Variants in CLINT1 observed in about 807,000 individuals in gnomAD.
CLINT1 encodes the protein clathrin interactor 1.
In CLINT1, 15 loss-of-function variants were observed where a neutral mutation model predicts 70.4. The ratio of observed to expected loss-of-function variants is 0.21; its 90% confidence interval spans 0.14 to 0.33. The LOEUF (loss-of-function observed/expected upper bound fraction) is 0.33, where lower values mean the gene tolerates loss of function less well. CLINT1 is among the 10% of genes least tolerant of loss of function. The probability of loss-of-function intolerance (pLI) is 1.00; values close to 1 mark genes in which losing one functional copy is unlikely to be tolerated. For synonymous variants in CLINT1, 227 were observed against 254.7 expected (o/e 0.89, Z 1.04); for missense variants, 615 against 778.1 (o/e 0.79, Z 2.49).
chr5:157,805,456 T>C (rs1442098665), intron 7 of CLINT1, among the ~76,000 whole-genome samples: 2 of 152,220 alleles, frequency 1.3e-5, no homozygotes, highest in African/African-American at 4.8e-5. Context: ...AGGCAACGTT[T>C]CTACATTACA....
intron 9 of CLINT1, among the ~76,000 whole-genome samples, chr5:157,793,713 A>T (rs1461080105): frequency 6.6e-6 from 1 of 152,190 alleles, no homozygotes; most frequent in Non-Finnish European, 1.5e-5. Context: ...TCTTACTTTC[A>T]AAATGAAGCA....
intron 1 of CLINT1, among the ~76,000 whole-genome samples, chr5:157,851,467 T>C (rs562144282): frequency 4.6e-5 from 7 of 152,214 alleles, no homozygotes; most frequent in Non-Finnish European, 7.4e-5. Context: ...GGTGGGTAGA[T>C]TGCTTGAGCT....
chr5:157,787,879 T>A lies in CLINT1; in HGVS notation c.1645A>T (p.Met549Leu), dbSNP rs766645747. The change falls in exon 12 of 12, where the codon ATG becomes TTG. Residue 549 changes from methionine (M) to leucine (L), a missense_variant. By Grantham distance (15) the Met-to-Leu change is conservative. Around this residue, in one of 2 missense-constraint regions of CLINT1, gnomAD observed 374 missense variants for 409.6 expected, o/e 0.91. Coordinates refer to ENST00000411809, the MANE Select transcript of CLINT1 (RefSeq NM_014666.4). ...PQTNALIGGP[M>L]PMSMPNVMTG... ...ATCACATTGGGCATGCTCATAGGCA[T>A]GGGTCCCCCTATCAAAGCATTAGTT... 1.9e-6 allele frequency: 3 copies of A among 1,613,916 alleles called. No homozygotes were observed. The highest frequency in any genetic ancestry group is 2.2e-5 in the South Asian group (2 of 91,072).
At chr5:157,834,590 A>G (rs566312410) in intron 1 of CLINT1, among the ~76,000 whole-genome samples, 1 of 152,268 alleles carries the variant, frequency 6.6e-6, no homozygotes, top group Non-Finnish European at 1.5e-5. Context: ...TTATGGGATG[A>G]TTACACTGCT....
At chr5:157,804,691 G>A (rs1485596871) in intron 7 of CLINT1, among the ~76,000 whole-genome samples, 5 of 152,118 alleles carry the variant, frequency 3.3e-5, no homozygotes, top group African/African-American at 9.7e-5. Flanking sequence ...TTGGGAGGCC[G>A]AAGCAGGTGG....
At chr5:157,849,362 G>A (rs1187000) in intron 1 of CLINT1, among the ~76,000 whole-genome samples, 22,979 of 152,088 alleles carry the variant, frequency 0.15, 2,488 homozygotes, top group African/African-American at 0.31. Context: ...TTAGCAATAA[G>A]ATATTTTTAA....
intron 1 of CLINT1, among the ~76,000 whole-genome samples, chr5:157,821,802 T>C (rs1254966174): frequency 1.3e-5 from 2 of 152,078 alleles, no homozygotes; most frequent in Non-Finnish European, 2.9e-5. Context: ...AAAAAGAAAG[T>C]TAAGAGAGGG....
chr5:157,808,238 T>C (rs1265753456), intron 6 of CLINT1, among the ~76,000 whole-genome samples: 1 of 152,086 alleles, frequency 6.6e-6, no homozygotes, highest in Non-Finnish European at 1.5e-5. Flanking sequence ...TCTGTTGGTA[T>C]TTCCTGAACA....
chr5:157,835,547 T>C (rs1183964725), intron 1 of CLINT1, among the ~76,000 whole-genome samples: 1 of 151,802 alleles, frequency 6.6e-6, no homozygotes, highest in African/African-American at 2.4e-5. Flanking sequence ...TTTCTTTCCC[T>C]CTCGGTGCCT....
chr5:157,811,868 A>C (rs1354076452), intron 5 of CLINT1, among the ~76,000 whole-genome samples: 2 of 152,188 alleles, frequency 1.3e-5, no homozygotes, highest in East Asian at 3.8e-4. Flanking sequence ...CTGAAGAATA[A>C]AGTTACTACT....
intron 1 of CLINT1, among the ~76,000 whole-genome samples, chr5:157,820,842 G>A (rs1762861238): frequency 6.6e-6 from 1 of 152,116 alleles, no homozygotes; most frequent in Non-Finnish European, 1.5e-5. Flanking sequence ...AGACGCTAGA[G>A]GGGGCACTCT....
chr5:157,803,659 G>C lies in CLINT1; in HGVS notation c.1003C>G (p.Gln335Glu). Residue 335 changes from glutamine (Q) to glutamate (E), a missense_variant, in exon 8 of 12, where the codon CAG becomes GAG. This residue lies in a region of CLINT1 where 374 missense variants were observed against 409.6 expected (regional missense o/e 0.91). Transcript: ENST00000411809. ...DLVDLFDGTS[Q>E]STGGSADLFG... is the part of the protein sequence containing the mutation. Reference sequence around the variant, plus strand: ...CAATGTAGAAGCTTACCTGTTGACTGGCTGGTGCCATCAAACAGATCAACA... The same window carrying C: ...CAATGTAGAAGCTTACCTGTTGACTCGCTGGTGCCATCAAACAGATCAACA... 6.6e-7 allele frequency: 1 copy of C among 1,521,504 alleles called. No homozygotes were observed. The highest frequency in any genetic ancestry group is 1.4e-5 in the South Asian group (1 of 74,032). The allele number at this position is 1,521,504 out of a possible 1,614,324, so 94.3% of individuals were successfully genotyped here. A position where few individuals can be genotyped will look rare whatever the true frequency, so the allele number is the denominator to read the frequency against.
At chr5:157,828,518 G>A (rs867620687) in intron 1 of CLINT1, among the ~76,000 whole-genome samples, 6 of 152,150 alleles carry the variant, frequency 3.9e-5, no homozygotes, top group African/African-American at 7.2e-5. Flanking sequence ...AGCAAAGCCC[G>A]GAAGAACCAA....
At chr5:157,802,813 T>A (rs1228673595) in intron 8 of CLINT1, among the ~76,000 whole-genome samples, 2 of 152,198 alleles carry the variant, frequency 1.3e-5, no homozygotes, top group Non-Finnish European at 2.9e-5. Flanking sequence ...CCCAAAGTGC[T>A]GGGATTACAG....
At chr5:157,848,005 C>T (rs889559121) in intron 1 of CLINT1, among the ~76,000 whole-genome samples, 2 of 152,144 alleles carry the variant, frequency 1.3e-5, no homozygotes, top group African/African-American at 2.4e-5. Flanking sequence ...TGAGGTTTCA[C>T]CATATTGCTC....
At chr5:157,808,661 G>A (rs1019023322) in intron 6 of CLINT1, among the ~76,000 whole-genome samples, 1 of 152,098 alleles carries the variant, frequency 6.6e-6, no homozygotes, top group Non-Finnish European at 1.5e-5. Flanking sequence ...GAACAAAAGT[G>A]ACTGCTGCAA....
At chr5:157,789,609 T>C (rs1312739362) in intron 10 of CLINT1, 96 bp from the exon 11 acceptor site, 3 of 1,517,624 alleles carry the variant, frequency 2.0e-6, no homozygotes, top group Non-Finnish European at 1.8e-6. Flanking sequence ...GCATCTGTTC[T>C]ATAAAAATTA....
intron 4 of CLINT1, 139 bp from the exon 5 acceptor site, chr5:157,813,366 T>G: frequency 1.2e-6 from 1 of 815,920 alleles, no homozygotes; most frequent in Non-Finnish European, 1.8e-6. Context: ...GGGCAAGTTG[T>G]GCTATTTAAC....
In CLINT1 at chr5:157,803,685, A is replaced by G. The variant is rs552907130; in HGVS notation, c.977T>C (p.Leu326Pro). ...GCTGGTGCCATCAAACAGATCAACA[A>G]GGTCACCAGATGACTTGCTGCTAGG... is the stretch of plus-strand genomic sequence containing the variant. ...SVPSSKSSGD[L>P]VDLFDGTSQS... The change falls in exon 8 of 12, where the codon CTT becomes CCT. Residue 326 changes from leucine to proline, a missense_variant. Leu to Pro is a moderately conservative substitution (Grantham distance 98). This residue lies in a region of CLINT1 where 374 missense variants were observed against 409.6 expected (regional missense o/e 0.91). Transcript: ENST00000411809. The G allele has an allele frequency of 2.6e-6, 4 of 1,552,174 alleles. No homozygotes were observed. The South Asian group carries it at 5.1e-5, about 20-fold the overall frequency.
Sources: allele counts gnomAD v4.1 joint callset (sites outside exome capture counted in the v4.1 genomes callset), GRCh38; gene constraint gnomAD v4.1.1; regional missense constraint gnomAD v4.1.1; transcripts MANE v1.5; gene names NCBI Gene and HGNC (gene_info 2026-07-23, HGNC 2026-07-21).